The following EFCAB11 variants were observed in gnomAD, a reference collection of about 807,000 sequenced individuals.
EFCAB11 encodes the protein EF-hand calcium-binding domain-containing protein 11.
In EFCAB11, 14 loss-of-function variants were observed where a neutral mutation model predicts 23.0. The ratio of observed to expected loss-of-function variants is 0.61; its 90% confidence interval spans 0.40 to 0.95. EFCAB11 has a LOEUF of 0.95. Among genes scored for constraint, EFCAB11 ranks in the 40% least tolerant of loss-of-function variants. EFCAB11 has a pLI of 0.00. For missense variants in EFCAB11, 198 were observed against 195.8 expected, an observed-to-expected ratio of 1.01 and a Z score of -0.07; for synonymous variants, 65 against 66.6, an observed-to-expected ratio of 0.98 and a Z score of 0.11.
intron 5 of EFCAB11, among the ~76,000 whole-genome samples, chr14:89,902,312 A>C (rs1393584976): frequency 6.6e-6 from 1 of 152,142 alleles, no homozygotes; most frequent in Non-Finnish European, 1.5e-5. Flanking sequence ...AACGTTTTCT[A>C]TAATTTATTC....
intron 5 of EFCAB11, among the ~76,000 whole-genome samples, chr14:89,848,066 A>G (rs1251130789): frequency 2.0e-5 from 3 of 152,256 alleles, no homozygotes; most frequent in Admixed American, 2.0e-4. Context: ...ATATTAAAAT[A>G]TCAACTGAAT....
intron 3 of EFCAB11, among the ~76,000 whole-genome samples, chr14:89,947,772 C>T (rs1185352085): frequency 6.6e-6 from 1 of 152,144 alleles, no homozygotes; most frequent in Non-Finnish European, 1.5e-5. Flanking sequence ...GGCTAGAGTT[C>T]TTAACATTCT....
intron 5 of EFCAB11, among the ~76,000 whole-genome samples, chr14:89,825,796 G>A (rs755989972): frequency 6.6e-6 from 1 of 152,194 alleles, no homozygotes; most frequent in Non-Finnish European, 1.5e-5. Flanking sequence ...TGTGAAGCAA[G>A]TATGGCCATA....
At chr14:89,845,869 T>C (rs1276079946) in intron 5 of EFCAB11, among the ~76,000 whole-genome samples, 1 of 152,220 alleles carries the variant, frequency 6.6e-6, no homozygotes, top group African/African-American at 2.4e-5. Flanking sequence ...TGCTTTCCTC[T>C]TCCTTCACAA....
chr14:89,842,618 ATATGATATGATATGATATG>A (rs1566780519), intron 5 of EFCAB11, among the ~76,000 whole-genome samples: 141 of 151,520 alleles, frequency 9.3e-4, no homozygotes, highest in African/African-American at 3.3e-3. Context: ...ATATGATATG[ATATGATATGATATGATATG>A]ATATAATATA....
chr14:89,951,856 T>C (rs1891180439), intron 2 of EFCAB11, among the ~76,000 whole-genome samples: 1 of 151,958 alleles, frequency 6.6e-6, no homozygotes, highest in Non-Finnish European at 1.5e-5. Flanking sequence ...ACCTGGAAAG[T>C]GGAGGTTGCA....
At chr14:89,823,205 C>T (rs1886583790) in intron 5 of EFCAB11, among the ~76,000 whole-genome samples, 1 of 152,132 alleles carries the variant, frequency 6.6e-6, no homozygotes, top group Admixed American at 6.6e-5. Flanking sequence ...CTTGAAGATG[C>T]AGAGGATCAC....
At chr14:89,916,770 T>A (rs1476120896) in intron 5 of EFCAB11, among the ~76,000 whole-genome samples, 1 of 152,182 alleles carries the variant, frequency 6.6e-6, no homozygotes, top group Non-Finnish European at 1.5e-5. Context: ...AGTCTTGATA[T>A]CCCACGGCAA....
At chr14:89,910,534 C>T (rs1889644086) in intron 5 of EFCAB11, among the ~76,000 whole-genome samples, 1 of 152,060 alleles carries the variant, frequency 6.6e-6, no homozygotes, top group African/African-American at 2.4e-5. Context: ...GAGGCGGAGA[C>T]TGCAGTGAGC....
chr14:89,939,939 A>G (rs1890734621), intron 3 of EFCAB11, among the ~76,000 whole-genome samples: 1 of 152,078 alleles, frequency 6.6e-6, no homozygotes, highest in East Asian at 1.9e-4. Context: ...GTGTTTCACC[A>G]TGTTGGCCAG....
At chr14:89,929,960 G>C (rs11845218) in intron 5 of EFCAB11, among the ~76,000 whole-genome samples, 2 of 151,846 alleles carry the variant, frequency 1.3e-5, no homozygotes, top group African/African-American at 4.8e-5. Flanking sequence ...TTGGACAACT[G>C]GTCTTTTTGT....
At chr14:89,839,657 T>C (rs1392251225) in intron 5 of EFCAB11, among the ~76,000 whole-genome samples, 1 of 151,840 alleles carries the variant, frequency 6.6e-6, no homozygotes, top group Non-Finnish European at 1.5e-5. Flanking sequence ...ATAAAGAAAA[T>C]AGGTTTAATT....
At chr14:89,834,998 C>G (rs1887025984) in intron 5 of EFCAB11, among the ~76,000 whole-genome samples, 1 of 152,196 alleles carries the variant, frequency 6.6e-6, no homozygotes, top group African/African-American at 2.4e-5. Context: ...CCCCATCACC[C>G]TCATCCTTAC....
intron 5 of EFCAB11, among the ~76,000 whole-genome samples, chr14:89,840,667 T>C (rs768688544): frequency 6.6e-6 from 1 of 152,250 alleles, no homozygotes; most frequent in Non-Finnish European, 1.5e-5. Context: ...TGTGGTTCTC[T>C]GCATTTTAAA....
rs79589292 is a variant in EFCAB11 at position 89,795,623 on chromosome 14, C to T, written c.*1620G>A. 0.09 allele frequency: 13,630 copies of T among 151,910 alleles called. 735 individuals are homozygous for T. Among genetic ancestry groups the T allele is most frequent in the East Asian group, 0.22 (1,108 of 5,092 alleles). The allele number at this position is 151,910 out of a possible 1,614,324, so 9.4% of individuals were successfully genotyped here. ...CGGAAGTTGCAGTGAGCCGAGATCG[C>T]GCACTGTACTCCAGCTTAGGTGACA... On this transcript the variant is annotated 3_prime_UTR_variant, in exon 6 of 6. Transcript: ENST00000316738.
intron 5 of EFCAB11, chr14:89,830,705 G>C (rs1886854859): frequency 6.6e-6 from 1 of 152,136 alleles, no homozygotes; most frequent in African/African-American, 2.4e-5. Context: ...TACTAGTTGA[G>C]CCTGAAACAA....
chr14:89,875,321 C>A (rs1286938), intron 5 of EFCAB11, among the ~76,000 whole-genome samples: 143,927 of 152,214 alleles, frequency 0.95, 68,323 homozygotes, highest in Non-Finnish European at 0.99. Flanking sequence ...CCCATGATTC[C>A]ATTACCTCCC....
intron 5 of EFCAB11, among the ~76,000 whole-genome samples, chr14:89,905,221 T>C (rs1316613778): frequency 6.6e-6 from 1 of 152,156 alleles, no homozygotes; most frequent in Non-Finnish European, 1.5e-5. Context: ...ATCTCTTAAG[T>C]CAATGAAGTC....
chr14:89,840,759 C>T lies in EFCAB11; in HGVS notation c.411-43435G>A, dbSNP rs144871372. ...GGATCTCTTAATGGCAGCGGCGTAA[C>T]TGAAGATTTAACCTGGTGAACATAA... On this transcript the variant is annotated intron_variant, in intron 5 of 5. Coordinates refer to ENST00000316738, the MANE Select transcript of EFCAB11 (RefSeq NM_145231.4). 1.2e-3 allele frequency among the ~76,000 whole-genome samples: 183 copies of T among 152,110 alleles called. 1 individual carries two copies. Among genetic ancestry groups the T allele is most frequent in the African/African-American group, 4.1e-3 (169 of 41,502 alleles).
Sources: gnomAD v4.1 joint callset for allele counts (sites outside exome capture counted in the v4.1 genomes callset) on GRCh38, gnomAD v4.1.1 for gene constraint, MANE v1.5 for transcripts, NCBI Gene and HGNC (gene_info 2026-07-23, HGNC 2026-07-21) for gene names.